NARS2: variants seen among roughly 807,000 people sequenced by gnomAD.
NARS2 encodes asparaginyl-tRNA synthetase.
NARS2 carries 60 observed loss-of-function variants against 62.9 expected under a neutral mutation model. The observed-to-expected ratio is 0.95, with a 90% CI of 0.77 to 1.18. The LOEUF (loss-of-function observed/expected upper bound fraction) is 1.18, where lower values mean the gene tolerates loss of function less well. Ranked by LOEUF, NARS2 falls within the 50% of genes most tolerant of loss-of-function variation. The pLI is 0.00. For synonymous variants in NARS2, 196 were observed against 200.0 expected, an observed-to-expected ratio of 0.98 and a Z score of 0.17; for missense variants, 619 against 576.4, an observed-to-expected ratio of 1.07 and a Z score of -0.76.
In NARS2 at chr11:78,540,583, C is replaced by T. The variant is rs1438305962; in HGVS notation, c.595-11647G>A. ...TTGTACCCTACCCCCACCTTTTACC[C>T]AGTTCTATTTACTCATAATCCCAGA... is the stretch of plus-strand genomic sequence containing the variant. On this transcript the variant is annotated intron_variant, in intron 5 of 13. Coordinates refer to ENST00000281038, the MANE Select transcript of NARS2 (RefSeq NM_024678.6). Among the ~76,000 whole-genome samples the T allele has an allele frequency of 3.3e-5, 5 of 152,270 alleles. No individual in the cohort carries two copies. In the East Asian group the frequency reaches 9.6e-4, roughly 29 times the overall value.
intron 12 of NARS2, among the ~76,000 whole-genome samples, chr11:78,442,397 T>C (rs572993006): frequency 6.6e-6 from 1 of 152,172 alleles, no homozygotes; most frequent in Non-Finnish European, 1.5e-5. Flanking sequence ...CCTAACCCAG[T>C]AGAGCAGTTC....
chr11:78,463,076 G>C (rs1263075403), intron 11 of NARS2, among the ~76,000 whole-genome samples: 1 of 150,212 alleles, frequency 6.7e-6, no homozygotes, highest in Non-Finnish European at 1.5e-5. Flanking sequence ...TTAATTATTT[G>C]TTTTTCACAT....
intron 5 of NARS2, among the ~76,000 whole-genome samples, chr11:78,557,455 G>T (rs1333452585): frequency 6.6e-6 from 1 of 152,182 alleles, no homozygotes; most frequent in African/African-American, 2.4e-5. Context: ...GGTTGGCAGG[G>T]ACAGAAGACA....
chr11:78,473,415 T>A (rs1210742531), intron 9 of NARS2, among the ~76,000 whole-genome samples: 1 of 152,232 alleles, frequency 6.6e-6, no homozygotes, highest in Non-Finnish European at 1.5e-5. Flanking sequence ...TTCTTGCTCA[T>A]GGTAGGTATT....
chr11:78,567,795 C>T (rs554395888), intron 3 of NARS2, among the ~76,000 whole-genome samples: 4 of 152,246 alleles, frequency 2.6e-5, no homozygotes, highest in African/African-American at 9.6e-5. Context: ...TCCTATATTT[C>T]CTCATTTTTG....
At chr11:78,538,373 G>A (rs1052826987) in intron 5 of NARS2, among the ~76,000 whole-genome samples, 4 of 152,046 alleles carry the variant, frequency 2.6e-5, no homozygotes, top group Non-Finnish European at 5.9e-5. Flanking sequence ...ATGAGAGAGA[G>A]CAATAAATAA....
chr11:78,436,263 G>T lies in NARS2; in HGVS notation c.*407C>A, dbSNP rs1857407117. 6.4e-6 allele frequency: 1 copy of T among 156,696 alleles called. No individual in the cohort carries two copies. Among genetic ancestry groups the T allele is most frequent in the South Asian group, 1.9e-4 (1 of 5,214 alleles). The allele number at this position is 156,696 out of a possible 1,614,324, so 9.7% of individuals were successfully genotyped here. On this transcript the variant is annotated 3_prime_UTR_variant, in exon 14 of 14. Transcript: ENST00000281038. ...TTATCACAAAGTATATGGCAAGGGA[G>T]AAAAGATGCAACATTATTTTATTTC...
At chr11:78,506,065 C>T (rs1244815551) in intron 6 of NARS2, among the ~76,000 whole-genome samples, 1 of 151,874 alleles carries the variant, frequency 6.6e-6, no homozygotes, top group Non-Finnish European at 1.5e-5. Context: ...AGTTCAAAAA[C>T]AAGATATATG....
intron 11 of NARS2, among the ~76,000 whole-genome samples, chr11:78,445,907 C>T (rs748892799): frequency 9.9e-5 from 15 of 152,092 alleles, no homozygotes; most frequent in Non-Finnish European, 1.8e-4. Context: ...TTACAGTCAG[C>T]CATGATTATA....
chr11:78,438,769 A>T (rs1857487971), intron 13 of NARS2, among the ~76,000 whole-genome samples: 2 of 152,222 alleles, frequency 1.3e-5, no homozygotes, highest in African/African-American at 4.8e-5. Context: ...AGAAATAGGA[A>T]GTGAGTAAAT....
At chr11:78,450,499 T>C (rs1311623717) in intron 11 of NARS2, among the ~76,000 whole-genome samples, 1 of 152,142 alleles carries the variant, frequency 6.6e-6, no homozygotes, top group Non-Finnish European at 1.5e-5. Flanking sequence ...GTCTCCTACA[T>C]GTTTCCTTGA....
intron 10 of NARS2, among the ~76,000 whole-genome samples, chr11:78,467,411 C>T (rs941526174): frequency 3.3e-5 from 5 of 152,124 alleles, no homozygotes; most frequent in South Asian, 2.1e-4. Context: ...GTGGCACGCA[C>T]CTGTAGTCCC....
chr11:78,463,724 A>C, intron 11 of NARS2, among the ~76,000 whole-genome samples: 1 of 149,612 alleles, frequency 6.7e-6, no homozygotes, highest in African/African-American at 2.4e-5. Context: ...AAAAAAAAAA[A>C]AAAAAAAAAA....
chr11:78,508,997 C>T (rs1051238494), intron 6 of NARS2, among the ~76,000 whole-genome samples: 11 of 151,786 alleles, frequency 7.2e-5, no homozygotes, highest in Admixed American at 5.3e-4. Context: ...CGCATGTAGT[C>T]CCAGCTACTC....
intron 7 of NARS2, 31 bp from the exon 8 acceptor site, chr11:78,478,714 C>T (rs375372797): frequency 2.7e-4 from 381 of 1,424,126 alleles, no homozygotes; most frequent in Non-Finnish European, 3.3e-4. Context: ...TCACCTGACA[C>T]GTAAGCAATT....
rs1858946448 is a variant in NARS2, at chr11:78,473,176, A to G, written c.960-3863T>C. ...GCAAGGTCCTGTCTCTTAAAAACAAAAAGTCTAAAGTTCACCAGTTTCTCT... is the reference window on the plus strand; with the variant it reads ...GCAAGGTCCTGTCTCTTAAAAACAAGAAGTCTAAAGTTCACCAGTTTCTCT... On this transcript the variant is annotated intron_variant, in intron 9 of 13. Coordinates refer to ENST00000281038, the MANE Select transcript of NARS2 (RefSeq NM_024678.6). Among the ~76,000 whole-genome samples the G allele has an allele frequency of 2.0e-5, 3 of 152,168 alleles. No individual in the cohort carries two copies. The South Asian group carries it at 6.2e-4, about 31-fold the overall frequency.
chr11:78,441,497 AG>A (rs1424141406), intron 12 of NARS2, among the ~76,000 whole-genome samples: 1 of 152,154 alleles, frequency 6.6e-6, no homozygotes, highest in Non-Finnish European at 1.5e-5. Context: ...GGATCACTTG[AG>A]ATCAGGATTC....
intron 10 of NARS2, 128 bp downstream of exon 10, chr11:78,469,119 A>G (rs1346104778): frequency 1.6e-6 from 1 of 639,694 alleles, no homozygotes; most frequent in Non-Finnish European, 2.8e-6. Context: ...TCTGTGTACA[A>G]ATGAGCAAAT....
At chr11:78,470,003 C>T (rs1243915485) in intron 9 of NARS2, among the ~76,000 whole-genome samples, 1 of 152,034 alleles carries the variant, frequency 6.6e-6, no homozygotes, top group African/African-American at 2.4e-5. Flanking sequence ...GCAAAAGGAA[C>T]AGCAAGTACA....
Sources: gnomAD v4.1 joint callset for allele counts (sites outside exome capture counted in the v4.1 genomes callset) on GRCh38, gnomAD v4.1.1 for gene constraint, MANE v1.5 for transcripts, NCBI Gene and HGNC (gene_info 2026-07-23, HGNC 2026-07-21) for gene names.